The following NR2F1-AS1 variants were observed in gnomAD, a reference collection of about 807,000 sequenced individuals.
The protein encoded by NR2F1-AS1 is NR2F1 regulatory antisense RNA 1.
intron 4 of NR2F1-AS1, among the ~76,000 whole-genome samples, chr5:93,527,274 A>T (rs1404858446): frequency 6.6e-6 from 1 of 152,200 alleles, no homozygotes; most frequent in South Asian, 2.1e-4. Context: ...AATACCTAGG[A>T]ATACAACTGA....
At chr5:93,564,637 T>C (rs1752574816) in intron 1 of NR2F1-AS1, among the ~76,000 whole-genome samples, 1 of 152,186 alleles carries the variant, frequency 6.6e-6, no homozygotes, top group African/African-American at 2.4e-5. Flanking sequence ...CAACAGAAGG[T>C]CATTTATGAT....
chr5:93,437,561 T>C (rs182979025), intron 4 of NR2F1-AS1, among the ~76,000 whole-genome samples: 1 of 152,324 alleles, frequency 6.6e-6, no homozygotes, highest in African/African-American at 2.4e-5. Flanking sequence ...CATAGTGTGT[T>C]ATAAATATAC....
chr5:93,571,801 C>T (rs1690220546), intron 1 of NR2F1-AS1, among the ~76,000 whole-genome samples: 1 of 151,882 alleles, frequency 6.6e-6, no homozygotes, highest in Non-Finnish European at 1.5e-5. Flanking sequence ...GCAAAACCTG[C>T]TAGGGACACC....
At chr5:93,465,549 A>G (rs540793555) in intron 4 of NR2F1-AS1, among the ~76,000 whole-genome samples, 1 of 152,330 alleles carries the variant, frequency 6.6e-6, no homozygotes, top group East Asian at 1.9e-4. Context: ...TAGAAATACC[A>G]TTTGACCCAG....
Position 93,577,544 on chromosome 5 carries a change from G to A in NR2F1-AS1, n.313+2923C>T, listed in dbSNP as rs1752923753. ...GGTAAAGATTTCTGAGATAGGCTGGGGTTTAGTTTGTTTGTTTTGGTTTTG... is the reference window on the plus strand; with the variant it reads ...GGTAAAGATTTCTGAGATAGGCTGGAGTTTAGTTTGTTTGTTTTGGTTTTG... On this transcript the variant is annotated intron_variant and non_coding_transcript_variant, in intron 1 of 5. Transcript: ENST00000660523. Among the ~76,000 whole-genome samples the A allele has an allele frequency of 2.0e-5, 3 of 152,172 alleles. No individual in the cohort carries two copies. In the South Asian group the frequency reaches 6.2e-4, roughly 32 times the overall value.
chr5:93,465,166 A>C (rs1263974685), intron 4 of NR2F1-AS1, among the ~76,000 whole-genome samples: 1 of 152,246 alleles, frequency 6.6e-6, no homozygotes, highest in African/African-American at 2.4e-5. Flanking sequence ...AAATTTTTGC[A>C]ATCTACTCAC....
chr5:93,483,745 G>A (rs1372229362), intron 4 of NR2F1-AS1, among the ~76,000 whole-genome samples: 5 of 152,172 alleles, frequency 3.3e-5, no homozygotes, highest in African/African-American at 1.2e-4. Flanking sequence ...CCAGTTTAGA[G>A]AAGAACATAA....
chr5:93,551,978 G>A (rs921701315), intron 4 of NR2F1-AS1, among the ~76,000 whole-genome samples: 5 of 152,100 alleles, frequency 3.3e-5, no homozygotes, highest in African/African-American at 7.2e-5. Flanking sequence ...GGGAATTCAC[G>A]TTATCACCAT....
chr5:93,489,576 C>T (rs1750795346), intron 4 of NR2F1-AS1, among the ~76,000 whole-genome samples: 1 of 151,892 alleles, frequency 6.6e-6, no homozygotes, highest in African/African-American at 2.4e-5. Flanking sequence ...TGAGGTATGC[C>T]TGTATTTGAA....
At chr5:93,584,165 C>CGGCGCCGCGGGCGGCCCCGGCCTCCGCT (rs1477828999), upstream of NR2F1-AS1, 11 of 149,190 alleles carry the variant, frequency 7.4e-5, no homozygotes, top group Non-Finnish European at 1.5e-5. Context: ...GGGACAGCGG[C>CGGCGCCGCGGGCGGCCCCGGCCTCCGCT]GGCGCCGCGG....
At chr5:93,435,649 C>G (rs1749418475) in intron 4 of NR2F1-AS1, among the ~76,000 whole-genome samples, 1 of 152,132 alleles carries the variant, frequency 6.6e-6, no homozygotes, top group Admixed American at 6.5e-5. Context: ...CCTGGAATGC[C>G]CCTCCTGATG....
chr5:93,528,833 G>A (rs1013483207), intron 4 of NR2F1-AS1, among the ~76,000 whole-genome samples: 1 of 151,510 alleles, frequency 6.6e-6, no homozygotes. Flanking sequence ...TCACTCATAA[G>A]TGGGAATTGA....
intron 4 of NR2F1-AS1, among the ~76,000 whole-genome samples, chr5:93,539,353 C>T (rs936907370): frequency 6.6e-6 from 1 of 151,970 alleles, no homozygotes; most frequent in African/African-American, 2.4e-5. Flanking sequence ...GGGAATCAAC[C>T]TATGTATTCA....
chr5:93,417,725 C>A (rs1376175902), intron 4 of NR2F1-AS1, among the ~76,000 whole-genome samples: 1 of 152,224 alleles, frequency 6.6e-6, no homozygotes, highest in African/African-American at 2.4e-5. Flanking sequence ...CTTCGCTACT[C>A]ATGCTGCACT....
intron 4 of NR2F1-AS1, among the ~76,000 whole-genome samples, chr5:93,475,341 T>A (rs890511096): frequency 6.6e-6 from 1 of 152,106 alleles, no homozygotes; most frequent in Non-Finnish European, 1.5e-5. Flanking sequence ...TAGAAATAGA[T>A]GAGAAGAGGA....
intron 4 of NR2F1-AS1, among the ~76,000 whole-genome samples, chr5:93,494,296 A>G (rs1170367171): frequency 6.6e-6 from 1 of 152,160 alleles, no homozygotes; most frequent in East Asian, 1.9e-4. Context: ...ATGAGATGCC[A>G]TTTCACACCC....
intron 4 of NR2F1-AS1, among the ~76,000 whole-genome samples, chr5:93,550,405 T>A (rs567411107): frequency 6.6e-6 from 1 of 152,298 alleles, no homozygotes; most frequent in East Asian, 1.9e-4. Context: ...CATTTTTAAG[T>A]TTGCAACATC....
At chr5:93,503,744 T>A (rs1751130432) in intron 4 of NR2F1-AS1, among the ~76,000 whole-genome samples, 1 of 152,222 alleles carries the variant, frequency 6.6e-6, no homozygotes, top group South Asian at 2.1e-4. Flanking sequence ...ACATTTCACA[T>A]GTGTTGTCAC....
chr5:93,581,874 TC>T (rs1753089450), upstream of NR2F1-AS1, among the ~76,000 whole-genome samples: 1 of 47,020 alleles, frequency 2.1e-5, no homozygotes. Flanking sequence ...CTCTCCTCTC[TC>T]CTCTCTCTCT....
Sources: gnomAD v4.1 joint callset for allele counts (sites outside exome capture counted in the v4.1 genomes callset) on GRCh38, gnomAD v4.1.1 for gene constraint, MANE v1.5 for transcripts, NCBI Gene and HGNC (gene_info 2026-07-23, HGNC 2026-07-21) for gene names.